Variants in DGKB observed in about 807,000 individuals in gnomAD.
DGKB encodes the protein 90 kDa diacylglycerol kinase.
In DGKB, 67 loss-of-function variants were observed where a neutral mutation model predicts 114.3. The observed-to-expected ratio is 0.59, with a 90% CI of 0.48 to 0.72. The LOEUF is 0.72. DGKB is among the 30% of genes least tolerant of loss of function. DGKB has a pLI of 0.00. For synonymous variants in DGKB, 398 were observed against 323.1 expected (o/e 1.23, Z -2.49); for missense variants, 907 against 975.2 (o/e 0.93, Z 0.93).
intron 20 of DGKB, among the ~76,000 whole-genome samples, chr7:14,566,931 T>C (rs567758465): frequency 1.3e-5 from 2 of 151,142 alleles, no homozygotes; most frequent in African/African-American, 4.9e-5. Context: ...GTTGATGTCC[T>C]TCATGGTAGC....
intron 21 of DGKB, among the ~76,000 whole-genome samples, chr7:14,392,989 G>GTTTTTTTTTTTTT (rs776845811): frequency 1.6e-3 from 16 of 10,182 alleles, no homozygotes; most frequent in Non-Finnish European, 5.9e-3. Flanking sequence ...CCTGTTTTTT[G>GTTTTTTTTTTTTT]TTTTTGTTTT....
At chr7:14,424,403 CTTTT>C (rs34985830) in intron 21 of DGKB, among the ~76,000 whole-genome samples, 1 of 149,530 alleles carries the variant, frequency 6.7e-6, no homozygotes, top group Non-Finnish European at 1.5e-5. Context: ...TTTTCTTCAT[CTTTT>C]TTTTTTAAGT....
chr7:14,816,712 T>A (rs1013046587), intron 2 of DGKB: 1 of 152,232 alleles, frequency 6.6e-6, no homozygotes, highest in African/African-American at 2.4e-5. Flanking sequence ...GGATTTAACA[T>A]GATTTTTTAC....
intron 23 of DGKB, among the ~76,000 whole-genome samples, chr7:14,248,665 G>A (rs1286325615): frequency 5.3e-5 from 8 of 151,886 alleles, no homozygotes; most frequent in Non-Finnish European, 2.9e-5. Flanking sequence ...TCAGTTTATA[G>A]AAGTGCAACT....
chr7:14,320,572 T>G (rs1417985536), intron 23 of DGKB, among the ~76,000 whole-genome samples: 2 of 151,784 alleles, frequency 1.3e-5, no homozygotes, highest in African/African-American at 4.8e-5. Context: ...CATATATATA[T>G]GTGTACATAT....
rs991424865 is a variant in DGKB, at chr7:14,621,309, A to G, written c.1284+69T>C. ...TAAACAAATGTGTTGATAGCTGAAC[A>G]TATGCCCCTTTAGAGCCTAGAAGTA... On this transcript the variant is annotated intron_variant, in intron 15 of 25. Coordinates refer to ENST00000402815, the MANE Select transcript of DGKB (RefSeq NM_001350709.2). 4 of 865,744 alleles carry G rather than the reference A, an allele frequency of 4.6e-6. No individual in the cohort carries two copies. In the African/African-American group the frequency reaches 6.7e-5, roughly 15 times the overall value. The allele number at this position is 865,744 out of a possible 1,614,324, so 53.6% of individuals were successfully genotyped here. A position where few individuals can be genotyped will look rare whatever the true frequency, so the allele number is the denominator to read the frequency against.
intron 1 of DGKB, among the ~76,000 whole-genome samples, chr7:14,938,292 T>G (rs749238709): frequency 2.6e-5 from 4 of 152,128 alleles, no homozygotes; most frequent in Non-Finnish European, 1.5e-5. Context: ...ATTTTAAAGG[T>G]GGTATCTAAG....
chr7:14,927,498 G>T (rs548802100), intron 1 of DGKB, among the ~76,000 whole-genome samples: 22 of 151,656 alleles, frequency 1.5e-4, no homozygotes, highest in African/African-American at 4.6e-4. Context: ...CTTTATATCA[G>T]CTCTCTAATT....
intron 1 of DGKB, among the ~76,000 whole-genome samples, chr7:14,866,224 T>G (rs1268725609): frequency 6.6e-6 from 1 of 152,056 alleles, no homozygotes; most frequent in Non-Finnish European, 1.5e-5. Flanking sequence ...CCCACCAGAG[T>G]GGTACATTTG....
At position 14,891,960 on chromosome 7, in the gene DGKB, A is replaced by G. The variant is rs112336052; in HGVS notation, c.-188+10632T>C. Among the ~76,000 whole-genome samples, 176 of 151,560 alleles carry G rather than the reference A, an allele frequency of 1.2e-3. 1 individual carries two copies. Among genetic ancestry groups the G allele is most frequent in the Admixed American group, 2.4e-3 (37 of 15,144 alleles). On this transcript the variant is annotated intron_variant, in intron 1 of 25. Transcript: ENST00000402815. ...AATAGCATTCAATACCCCAATTGAA[A>G]ATGCAAAGCCATTGAGAAAGGGTAA...
intron 9 of DGKB, 76 bp downstream of exon 9, chr7:14,693,999 A>T: frequency 6.7e-7 from 1 of 1,498,366 alleles, no homozygotes; most frequent in Non-Finnish European, 9.0e-7. Flanking sequence ...TGGTCACATC[A>T]ATCTGTAATC....
intron 20 of DGKB, among the ~76,000 whole-genome samples, chr7:14,487,466 T>C (rs1783986885): frequency 1.3e-5 from 2 of 152,192 alleles, no homozygotes; most frequent in South Asian, 4.1e-4. Context: ...AAGTGAATGT[T>C]AGTAATTTTC....
intron 1 of DGKB, among the ~76,000 whole-genome samples, chr7:14,919,095 A>ACACACAAACACACACAC (rs1554345122): frequency 8.7e-5 from 10 of 114,972 alleles, no homozygotes; most frequent in South Asian, 3.3e-4. Context: ...CACACACACA[A>ACACACAAACACACACAC]ACACACACAC....
At chr7:14,940,227 G>A (rs190746853) in intron 1 of DGKB, among the ~76,000 whole-genome samples, 26 of 152,136 alleles carry the variant, frequency 1.7e-4, no homozygotes, top group East Asian at 9.7e-4. Flanking sequence ...TGCCAAAGTC[G>A]CTGTGTTCTC....
intron 23 of DGKB, among the ~76,000 whole-genome samples, chr7:14,280,897 T>C (rs182398540): frequency 6.6e-6 from 1 of 151,994 alleles, no homozygotes; most frequent in Admixed American, 6.5e-5. Flanking sequence ...TACCAGCCAC[T>C]GCAAAATCAT....
At chr7:14,238,701 G>T (rs974614192) in intron 23 of DGKB, among the ~76,000 whole-genome samples, 1 of 151,782 alleles carries the variant, frequency 6.6e-6, no homozygotes, top group Non-Finnish European at 1.5e-5. Context: ...TCTAGGCAGG[G>T]TAGTTACAGG....
chr7:14,529,380 A>C (rs1483412001), intron 20 of DGKB, among the ~76,000 whole-genome samples: 1 of 151,906 alleles, frequency 6.6e-6, no homozygotes, highest in Non-Finnish European at 1.5e-5. Flanking sequence ...AAAATGAGTA[A>C]CCTTTAATCT....
intron 1 of DGKB, among the ~76,000 whole-genome samples, chr7:14,927,853 C>G (rs542359629): frequency 1.3e-5 from 2 of 151,730 alleles, no homozygotes; most frequent in Non-Finnish European, 3.0e-5. Context: ...TATTTATATG[C>G]AAAATCTGCT....
upstream of DGKB, among the ~76,000 whole-genome samples, chr7:14,907,681 A>C (rs1435638314): frequency 6.6e-6 from 1 of 152,222 alleles, no homozygotes; most frequent in East Asian, 1.9e-4. Flanking sequence ...TTCTTTATAC[A>C]TGAATATGTA....
Sources: gnomAD v4.1 joint callset for allele counts (sites outside exome capture counted in the v4.1 genomes callset) on GRCh38, gnomAD v4.1.1 for gene constraint, MANE v1.5 for transcripts, NCBI Gene and HGNC (gene_info 2026-07-23, HGNC 2026-07-21) for gene names.